Variants in SENP2 observed in about 807,000 individuals in gnomAD.
The protein encoded by SENP2 is sentrin-specific protease 2.
Under a neutral mutation model 86.3 loss-of-function variants are expected in SENP2, and 16 were observed. That is an observed-to-expected ratio of 0.19 (90% confidence interval 0.13 to 0.28). The LOEUF is 0.28. Among genes scored for constraint, SENP2 ranks in the 10% least tolerant of loss-of-function variants. The pLI is 1.00. For missense variants in SENP2, 552 were observed against 703.0 expected, an observed-to-expected ratio of 0.79 and a Z score of 2.43; for synonymous variants, 222 against 238.7, an observed-to-expected ratio of 0.93 and a Z score of 0.64.
At chr3:185,612,427 G>C (rs1324125625) in intron 8 of SENP2, 180 bp from the exon 9 acceptor site, 2 of 535,636 alleles carry the variant, frequency 3.7e-6, no homozygotes, top group African/African-American at 3.8e-5. Context: ...AAACAGCAAA[G>C]ATATGTATGC....
chr3:185,624,196 C>A, intron 15 of SENP2, 114 bp downstream of exon 15: 2 of 634,390 alleles, frequency 3.2e-6, no homozygotes, highest in South Asian at 2.2e-5. Context: ...TTAAAGTACA[C>A]ATCTTTTTTT....
chr3:185,613,445 A>G, intron 10 of SENP2, 37 bp downstream of exon 10: 1 of 1,216,450 alleles, frequency 8.2e-7, no homozygotes, highest in Non-Finnish European at 1.2e-6. Context: ...ATACCTGTTT[A>G]CTTATGTAAC....
intron 2 of SENP2, among the ~76,000 whole-genome samples, chr3:185,597,707 G>T (rs1196882321): frequency 1.3e-5 from 2 of 151,416 alleles, no homozygotes; most frequent in African/African-American, 4.9e-5. Flanking sequence ...AGGCTGGAGT[G>T]TAATGGCGCG....
chr3:185,592,011 C>CTT lies in SENP2; in HGVS notation c.157+1864_157+1865dup, dbSNP rs149268515. Among the ~76,000 whole-genome samples, 39 of 65,798 alleles carry CTT rather than the reference C, an allele frequency of 5.9e-4. 1 individual carries two copies. The highest frequency in any genetic ancestry group is 1.8e-3 in the African/African-American group (32 of 17,380). 43.2% of individuals were successfully genotyped at this position (65,798 alleles called of 152,430 possible). On this transcript the variant is annotated intron_variant, in intron 2 of 16. Transcript: ENST00000296257. ...CTGTCTTTAAGAACCGGTAATATTT[C>CTT]TTTTTTTTTTTTTTTTTTTTTTTGA...
chr3:185,612,491 T>C, intron 8 of SENP2, 116 bp from the exon 9 acceptor site: 1 of 701,624 alleles, frequency 1.4e-6, no homozygotes, highest in South Asian at 1.9e-5. Context: ...GAATTCACTG[T>C]AGCATTTCAA....
Position 185,598,552 on chromosome 3 carries a change from G to A in SENP2, c.291+7G>A, listed in dbSNP as rs1722248940. ...TGTGGCCCCTTCAGGAGAGGTCAGT[G>A]GGGATGAGACTCCATTAGGAATACT... On this transcript the variant is annotated splice_region_variant and intron_variant, in intron 3 of 16. Coordinates refer to ENST00000296257, the MANE Select transcript of SENP2 (RefSeq NM_021627.3). 2 of 1,613,150 alleles carry A rather than the reference G, an allele frequency of 1.2e-6. No homozygotes were observed. Among genetic ancestry groups the A allele is most frequent in the Non-Finnish European group, 1.7e-6 (2 of 1,179,336 alleles).
At chr3:185,607,107 T>C (rs1227841731) in intron 6 of SENP2, among the ~76,000 whole-genome samples, 12 of 151,654 alleles carry the variant, frequency 7.9e-5, no homozygotes, top group Non-Finnish European at 1.6e-4. Flanking sequence ...TTTCAAAAGG[T>C]ACTAAAGTAT....
intron 14 of SENP2, among the ~76,000 whole-genome samples, chr3:185,623,223 CCT>C (rs63575061): frequency 0.29 from 43,580 of 151,706 alleles, 6,658 homozygotes; most frequent in African/African-American, 0.39. Flanking sequence ...CTCACCGCAA[CCT>C]CTGTCTCCCG....
At chr3:185,617,850 C>T (rs1026984858) in intron 12 of SENP2, among the ~76,000 whole-genome samples, 1 of 152,166 alleles carries the variant, frequency 6.6e-6, no homozygotes, top group East Asian at 1.9e-4. Context: ...TACTGGTCTT[C>T]AATAAACCCT....
In SENP2 at chr3:185,627,111, T is replaced by C. The variant is rs555254593; in HGVS notation, c.1707+718T>C. On this transcript the variant is annotated intron_variant, in intron 16 of 16. Coordinates refer to ENST00000296257, the MANE Select transcript of SENP2 (RefSeq NM_021627.3). ...AAAAAAAAAAAAAAAAAAAAAATAG[T>C]AGTAGCTGTGCTATTCTTATTGCTG... is the stretch of plus-strand genomic sequence containing the variant. Among the ~76,000 whole-genome samples the C allele has an allele frequency of 2.8e-5, 4 of 144,028 alleles. No individual in the cohort carries two copies. The South Asian group carries it at 8.8e-4, about 32-fold the overall frequency. The allele number at this position is 144,028 out of a possible 152,430, so 94.5% of individuals were successfully genotyped here.
At chr3:185,618,650 G>A (rs1019042612) in intron 12 of SENP2, among the ~76,000 whole-genome samples, 2 of 152,276 alleles carry the variant, frequency 1.3e-5, no homozygotes, top group South Asian at 4.1e-4. Flanking sequence ...AGGCTGAGGC[G>A]GGCGGATCAC....
rs201595534 is a variant in SENP2 at position 185,620,434 on chromosome 3, C to CT, written c.1446+940dup. On this transcript the variant is annotated intron_variant, in intron 13 of 16. Transcript: ENST00000296257. ...GGACGAAGTCCTTGTACTTGAGGAG[C>CT]TTTTTTTTGTTTGTTTGTATGTTTT... 2.7e-3 allele frequency among the ~76,000 whole-genome samples: 411 copies of CT among 151,378 alleles called. 1 individual carries two copies. The highest frequency in any genetic ancestry group is 9.5e-3 in the African/African-American group (391 of 41,272).
chr3:185,621,390 T>C (rs1412846086), intron 13 of SENP2, among the ~76,000 whole-genome samples: 21 of 130,238 alleles, frequency 1.6e-4, no homozygotes, highest in Non-Finnish European at 3.0e-4. Flanking sequence ...TTTTTTCTTT[T>C]TTTTTTTTTT....
At chr3:185,618,030 C>T (rs1368881094) in intron 12 of SENP2, among the ~76,000 whole-genome samples, 2 of 152,120 alleles carry the variant, frequency 1.3e-5, no homozygotes, top group Admixed American at 6.5e-5. Context: ...GCGCAACCTC[C>T]ACCTCCTGGG....
At chr3:185,622,063 G>C (rs59366743) in intron 14 of SENP2, among the ~76,000 whole-genome samples, 158 bp downstream of exon 14, 1 of 152,192 alleles carries the variant, frequency 6.6e-6, no homozygotes, top group Non-Finnish European at 1.5e-5. Flanking sequence ...TTTCAACTGA[G>C]AAAACGTGTT....
intron 9 of SENP2, 132 bp downstream of exon 9, chr3:185,612,790 G>A (rs1468197396): frequency 9.8e-6 from 6 of 610,192 alleles, no homozygotes; most frequent in Admixed American, 2.9e-5. Flanking sequence ...AGCATATAGG[G>A]TAGATAGGTA....
intron 6 of SENP2, among the ~76,000 whole-genome samples, chr3:185,607,345 T>TTTTTTA (rs1722550464): frequency 2.1e-5 from 3 of 145,676 alleles, no homozygotes; most frequent in Non-Finnish European, 3.0e-5. Context: ...TTTTTTTTTT[T>TTTTTTA]GAGACAGAGT....
chr3:185,613,156 A>C lies in SENP2; in HGVS notation c.870-189A>C, dbSNP rs370700553. Reference sequence around the variant, plus strand: ...GAGTTGCCACGATGTGCCCAAGACCATAAAACCTGCAAAGCCTAAAATACT... The same window carrying C: ...GAGTTGCCACGATGTGCCCAAGACCCTAAAACCTGCAAAGCCTAAAATACT... On this transcript the variant is annotated intron_variant, in intron 9 of 16. Transcript: ENST00000296257. Among the ~76,000 whole-genome samples, 5 of 152,380 alleles carry C rather than the reference A, an allele frequency of 3.3e-5. No homozygotes were observed. The East Asian group carries it at 9.6e-4, about 29-fold the overall frequency.
At chr3:185,593,417 G>A (rs888696831) in intron 2 of SENP2, among the ~76,000 whole-genome samples, 3 of 152,048 alleles carry the variant, frequency 2.0e-5, no homozygotes, top group African/African-American at 7.2e-5. Context: ...CCCGGCCAAG[G>A]ATTTTCAAAT....
Sources: allele counts gnomAD v4.1 joint callset (sites outside exome capture counted in the v4.1 genomes callset), GRCh38; gene constraint gnomAD v4.1.1; transcripts MANE v1.5; gene names NCBI Gene and HGNC (gene_info 2026-07-23, HGNC 2026-07-21).